Variants in ZSCAN5A observed in about 807,000 individuals in gnomAD.
ZSCAN5A encodes the protein zinc finger and SCAN domain containing 5A.
A neutral mutation model predicts 23.7 loss-of-function variants in ZSCAN5A; 12 were observed. The observed-to-expected ratio is 0.51, with a 90% CI of 0.32 to 0.82. ZSCAN5A has a LOEUF of 0.82. Ranked by LOEUF, ZSCAN5A falls within the 40% of genes least tolerant of loss-of-function variation. The probability of loss-of-function intolerance (pLI) is 0.03; values close to 1 mark genes in which losing one functional copy is unlikely to be tolerated. For synonymous variants in ZSCAN5A, 257 were observed against 239.9 expected, an observed-to-expected ratio of 1.07 and a Z score of -0.66; for missense variants, 597 against 617.9, an observed-to-expected ratio of 0.97 and a Z score of 0.36.
rs760843837 is a variant in ZSCAN5A at position 56,221,913 on chromosome 19, G to C, written c.1153C>G (p.Gln385Glu). 6.2e-7 allele frequency: 1 copy of C among 1,614,196 alleles called. No individual in the cohort carries two copies. The highest frequency in any genetic ancestry group is 8.5e-7 in the Non-Finnish European group (1 of 1,180,040). The change falls in exon 6 of 6, where the codon CAA becomes GAA. Residue 385 changes from glutamine to glutamate, a missense_variant. Gln to Glu is a conservative substitution (Grantham distance 29). Around this residue, in one of 5 missense-constraint regions of ZSCAN5A, gnomAD observed 406 missense variants for 353.2 expected, o/e 1.15. Transcript: ENST00000683990. ...KRSHTGERLF[Q>E]CNLCGKRFMQ... is the part of the protein sequence containing the mutation. ...AAGCGCTTCCCACAGAGATTACATT[G>C]AAAGAGTCTCTCGCCTGTGTGTGAT...
rs144793879 is a variant in ZSCAN5A, at chr19:56,273,254, G to A, written c.-128+40029C>T. 6.7e-3 allele frequency among the ~76,000 whole-genome samples: 1,015 copies of A among 152,272 alleles called. 16 individuals carry two copies. Among genetic ancestry groups the A allele is most frequent in the African/African-American group, 0.023 (961 of 41,550 alleles). On this transcript the variant is annotated intron_variant, in intron 2 of 5. Transcript: ENST00000683990. The stretch of plus-strand genomic sequence containing the variant: ...CATGGGACTGTTGCATGTCATTGAC[G>A]AGCTTACGTTGTGCAGTGCCTGGAA...
chr19:56,264,821 G>C (rs932214045), intron 2 of ZSCAN5A, among the ~76,000 whole-genome samples: 42 of 152,144 alleles, frequency 2.8e-4, no homozygotes, highest in Non-Finnish European at 1.5e-5. Context: ...AAAGCTTTTA[G>C]TCATAAATGC....
intron 2 of ZSCAN5A, chr19:56,282,962 ACT>A (rs1344198166): frequency 1.3e-5 from 2 of 152,282 alleles, no homozygotes; most frequent in East Asian, 3.9e-4. Flanking sequence ...AGTTTGCAAG[ACT>A]CTGGGGCAGA....
intron 2 of ZSCAN5A, chr19:56,321,641 T>A: frequency 2.4e-6 from 2 of 845,126 alleles, no homozygotes; most frequent in East Asian, 9.0e-5. Context: ...CCATGCATCG[T>A]TATGTCGTCC....
At chr19:56,237,073 A>T (rs1488971832) in intron 2 of ZSCAN5A, among the ~76,000 whole-genome samples, 1 of 152,214 alleles carries the variant, frequency 6.6e-6, no homozygotes, top group Admixed American at 6.5e-5. Flanking sequence ...TTTAATAAAA[A>T]CCCTAATTGA....
At chr19:56,230,486 T>C (rs754589330) in intron 2 of ZSCAN5A, among the ~76,000 whole-genome samples, 6 of 152,302 alleles carry the variant, frequency 3.9e-5, no homozygotes, top group Admixed American at 1.3e-4. Flanking sequence ...CTCCATCACC[T>C]CACATAGATA....
intron 2 of ZSCAN5A, among the ~76,000 whole-genome samples, chr19:56,302,672 C>T (rs567321581): frequency 7.5e-6 from 1 of 133,492 alleles, no homozygotes; most frequent in Non-Finnish European, 1.6e-5. Flanking sequence ...TTCTTTCCTT[C>T]CTCCTTCCCT....
chr19:56,264,149 T>C (rs974104104), intron 2 of ZSCAN5A, among the ~76,000 whole-genome samples: 3 of 151,954 alleles, frequency 2.0e-5, no homozygotes, highest in African/African-American at 7.3e-5. Context: ...ACCCGCCACC[T>C]CACCCAGCTT....
intron 2 of ZSCAN5A, among the ~76,000 whole-genome samples, chr19:56,335,033 A>G (rs934856450): frequency 6.6e-6 from 1 of 152,230 alleles, no homozygotes; most frequent in African/African-American, 2.4e-5. Context: ...CAATGCAAGG[A>G]AGCTAAAAAG....
intron 2 of ZSCAN5A, among the ~76,000 whole-genome samples, chr19:56,362,927 T>A (rs764578599): frequency 6.6e-6 from 1 of 151,500 alleles, no homozygotes; most frequent in Non-Finnish European, 1.5e-5. Flanking sequence ...ATACGGGAAC[T>A]GCCTGTACCA....
chr19:56,296,529 A>G (rs2039886456), intron 2 of ZSCAN5A: 1 of 152,014 alleles, frequency 6.6e-6, no homozygotes, highest in African/African-American at 2.4e-5. Context: ...TGTCCAACAG[A>G]TATTAACTGA....
chr19:56,319,897 C>T (rs961805106), intron 2 of ZSCAN5A: 1 of 960,032 alleles, frequency 1.0e-6, no homozygotes, highest in South Asian at 1.3e-5. Context: ...TAGCACTCAT[C>T]AGCTGCAAAA....
intron 2 of ZSCAN5A, among the ~76,000 whole-genome samples, chr19:56,325,109 A>T (rs542149567): frequency 6.6e-6 from 1 of 152,244 alleles, no homozygotes; most frequent in African/African-American, 2.4e-5. Context: ...TGAATCCTCC[A>T]TAGTCTGGTG....
At chr19:56,223,107 CT>C (rs2033467133) in intron 4 of ZSCAN5A, among the ~76,000 whole-genome samples, 1 of 152,160 alleles carries the variant, frequency 6.6e-6, no homozygotes, top group African/African-American at 2.4e-5. Context: ...CTGCATCACC[CT>C]GCTGGAGGGG....
intron 2 of ZSCAN5A, among the ~76,000 whole-genome samples, chr19:56,231,719 C>A (rs1186022722): frequency 6.6e-6 from 1 of 152,208 alleles, no homozygotes; most frequent in Non-Finnish European, 1.5e-5. Flanking sequence ...TTTATCTGTA[C>A]AGTTTAGCAG....
intron 2 of ZSCAN5A, chr19:56,311,890 T>TA (rs1406131123): frequency 6.6e-6 from 1 of 152,144 alleles, no homozygotes; most frequent in Admixed American, 6.5e-5. Context: ...GTGTTCTAAA[T>TA]AAGATAATAT....
At chr19:56,357,229 G>A (rs977668084) in intron 2 of ZSCAN5A, among the ~76,000 whole-genome samples, 3 of 148,372 alleles carry the variant, frequency 2.0e-5, no homozygotes, top group African/African-American at 7.6e-5. Flanking sequence ...GTGTTAACAA[G>A]TTTGGAGAGT....
intron 2 of ZSCAN5A, 100 bp from the exon 3 acceptor site, chr19:56,225,273 C>G (rs1349826578): frequency 5.2e-6 from 6 of 1,157,804 alleles, no homozygotes; most frequent in African/African-American, 1.5e-5. Flanking sequence ...TCAGCAGCAT[C>G]GAATTCAGCA....
chr19:56,344,847 G>A lies in ZSCAN5A; in HGVS notation c.-358+18388C>T, dbSNP rs1194650884. 1.7e-4 allele frequency among the ~76,000 whole-genome samples: 24 copies of A among 143,092 alleles called. 1 individual carries two copies. The highest frequency in any genetic ancestry group is 1.4e-3 in the Admixed American group (20 of 14,032). The allele number at this position is 143,092 out of a possible 152,430, so 93.9% of individuals were successfully genotyped here. On this transcript the variant is annotated intron_variant, in intron 2 of 6. Coordinates refer to the ZSCAN5A transcript ENST00000587340. ...GAACCCGGGAAGCGGAGCTTGCAGT[G>A]AGCCGAGATTGCGCCACTGCAGTCC...
Sources: gnomAD v4.1 joint callset for allele counts (sites outside exome capture counted in the v4.1 genomes callset) on GRCh38, gnomAD v4.1.1 for gene constraint, gnomAD v4.1.1 regional missense constraint, MANE v1.5 for transcripts, NCBI Gene and HGNC (gene_info 2026-07-23, HGNC 2026-07-21) for gene names.